NIBAN2: variants seen among roughly 807,000 people sequenced by gnomAD.
NIBAN2 encodes protein Niban 2.
A neutral mutation model predicts 81.8 loss-of-function variants in NIBAN2; 36 were observed. The observed-to-expected ratio is 0.44, with a 90% CI of 0.34 to 0.58. The LOEUF is 0.58. Among genes scored for constraint, NIBAN2 ranks in the 20% least tolerant of loss-of-function variants. NIBAN2 has a pLI of 0.02. For synonymous variants in NIBAN2, 445 were observed against 441.6 expected, an observed-to-expected ratio of 1.01 and a Z score of -0.10; for missense variants, 897 against 1,014.1, an observed-to-expected ratio of 0.88 and a Z score of 1.57.
chr9:127,521,373 G>A lies in NIBAN2; in HGVS notation c.589+2306C>T, dbSNP rs118189328. 3.7e-3 allele frequency among the ~76,000 whole-genome samples: 563 copies of A among 152,264 alleles called. 6 individuals are homozygous for A. The East Asian group carries it at 0.043, about 12-fold the overall frequency. ...ATTCCTCACTCCCAGGCAGCAGACA[G>A]AGGGGGACCACGGTCAGACAGGAAG... On this transcript the variant is annotated intron_variant, in intron 5 of 13. Coordinates refer to ENST00000373312, the MANE Select transcript of NIBAN2 (RefSeq NM_022833.4).
chr9:127,520,498 A>G (rs1253349164), intron 5 of NIBAN2, among the ~76,000 whole-genome samples: 1 of 152,072 alleles, frequency 6.6e-6, no homozygotes, highest in African/African-American at 2.4e-5. Context: ...TCAGCCTCCC[A>G]AAGCACTGGG....
upstream of NIBAN2, among the ~76,000 whole-genome samples, chr9:127,572,899 T>G (rs1338332911): frequency 2.6e-5 from 4 of 151,972 alleles, no homozygotes; most frequent in African/African-American, 7.2e-5. Flanking sequence ...TTTAAAAAAA[T>G]TAGCTGGGCC....
rs576435438 is a variant in NIBAN2 at position 127,563,526 on chromosome 9, A to ATT, written c.55+5292_55+5293dup. 0.047 allele frequency among the ~76,000 whole-genome samples: 6,819 copies of ATT among 146,450 alleles called. 177 individuals carry two copies. The highest frequency in any genetic ancestry group is 0.063 in the Non-Finnish European group (4,168 of 66,318). On this transcript the variant is annotated intron_variant, in intron 1 of 13. Transcript: ENST00000373312. This position sits in a 1 kb window ranked among gnomAD's most constrained non-coding sequence, Gnocchi z 4.1. ...CCACTTCCCAAATGTTGAGAGGTAGATTTTTTTTTTTTTTGAGACAGAGTC... is the reference window on the plus strand; with the variant it reads ...CCACTTCCCAAATGTTGAGAGGTAGATTTTTTTTTTTTTTTTGAGACAGAGTC...
chr9:127,567,624 G>A lies in NIBAN2; in HGVS notation c.55+1196C>T, dbSNP rs1443394061. On this transcript the variant is annotated intron_variant, in intron 1 of 13. Transcript: ENST00000373312. ...AAGGACACCTGGCCACTGCTCTCAG[G>A]GCTTCCTGCTCTCAAGGGAGCGTGG... Among the ~76,000 whole-genome samples the A allele has an allele frequency of 2.0e-5, 3 of 152,304 alleles. No homozygotes were observed. The East Asian group carries it at 5.8e-4, about 29-fold the overall frequency.
At chr9:127,538,392 G>A (rs1837317471) in intron 1 of NIBAN2, among the ~76,000 whole-genome samples, 1 of 152,144 alleles carries the variant, frequency 6.6e-6, no homozygotes, top group Non-Finnish European at 1.5e-5. Flanking sequence ...TGACAGATAA[G>A]AAAAGTGAGA....
intron 1 of NIBAN2, among the ~76,000 whole-genome samples, chr9:127,535,339 C>G (rs1174316133): frequency 4.6e-5 from 7 of 152,254 alleles, no homozygotes; most frequent in African/African-American, 1.4e-4. Flanking sequence ...CAGGGAGGAG[C>G]TGGGTTCAGA....
chr9:127,536,970 C>G lies in NIBAN2; in HGVS notation c.56-5192G>C, dbSNP rs1837291722. On this transcript the variant is annotated intron_variant, in intron 1 of 13. Coordinates refer to ENST00000373312, the MANE Select transcript of NIBAN2 (RefSeq NM_022833.4). The surrounding 1 kb of genome is among the most constrained non-coding windows in gnomAD (Gnocchi z 4.0). ...AGAAATCACTCGCTTCTGTGAGCTACAGAGAGGCTGGGGTGGGGTGGTGTG... is the reference window on the plus strand; with the variant it reads ...AGAAATCACTCGCTTCTGTGAGCTAGAGAGAGGCTGGGGTGGGGTGGTGTG... 6.6e-6 allele frequency among the ~76,000 whole-genome samples: 1 copy of G among 152,220 alleles called. No individual in the cohort carries two copies. Among genetic ancestry groups the G allele is most frequent in the South Asian group, 2.1e-4 (1 of 4,838 alleles).
At chr9:127,515,376 G>C (rs1252389764) in intron 8 of NIBAN2, among the ~76,000 whole-genome samples, 2 of 151,860 alleles carry the variant, frequency 1.3e-5, no homozygotes, top group African/African-American at 4.8e-5. Flanking sequence ...AAAAAATTAG[G>C]TAGGCATGGT....
chr9:127,542,558 C>T (rs1282837558), intron 1 of NIBAN2, among the ~76,000 whole-genome samples: 3 of 152,242 alleles, frequency 2.0e-5, no homozygotes, highest in Admixed American at 6.5e-5. Flanking sequence ...ACCACGGAAA[C>T]GGAGGCTGAC....
At position 127,507,851 on chromosome 9, in the gene NIBAN2, C is replaced by T. The variant is rs544434951; in HGVS notation, c.1654+16G>A. 1.9e-6 allele frequency: 3 copies of T among 1,612,060 alleles called. No individual in the cohort carries two copies. The highest frequency in any genetic ancestry group is 1.3e-5 in the African/African-American group (1 of 75,010). ...CATCCTCCTGGCAACAGTCCCCACC[C>T]CGGGACGGCACCCACCCTGCAGGAT... On this transcript the variant is annotated intron_variant, in intron 13 of 13. Transcript: ENST00000373312. The surrounding 1 kb of genome is among the most constrained non-coding windows in gnomAD (Gnocchi z 6.8).
intron 8 of NIBAN2, among the ~76,000 whole-genome samples, chr9:127,514,270 C>CAA (rs34295842): frequency 0.029 from 3,461 of 117,772 alleles, 152 homozygotes; most frequent in African/African-American, 0.1. Context: ...ACTCTGTGTC[C>CAA]AAAAAAAAAA....
At chr9:127,535,616 G>A (rs1837261841) in intron 1 of NIBAN2, among the ~76,000 whole-genome samples, 2 of 152,150 alleles carry the variant, frequency 1.3e-5, no homozygotes, top group African/African-American at 4.8e-5. Context: ...GGGCTGAGGG[G>A]ACCCAGGCAA....
chr9:127,569,065 G>C lies in NIBAN2; in HGVS notation c.-191C>G. 2 of 1,066,002 alleles carry C rather than the reference G, an allele frequency of 1.9e-6. No homozygotes were observed. The highest frequency in any genetic ancestry group is 4.5e-5 in the South Asian group (1 of 22,278). 66.0% of individuals were successfully genotyped at this position (1,066,002 alleles called of 1,614,324 possible). ...CCGGTCGGGCCCCGTCCCTCCAGCC[G>C]GCCGCCTTGGCCCCCTCCCTGCCCT... On this transcript the variant is annotated 5_prime_UTR_variant, in exon 1 of 14. Coordinates refer to ENST00000373312, the MANE Select transcript of NIBAN2 (RefSeq NM_022833.4).
chr9:127,569,274 GC>G (rs947559641), upstream of NIBAN2, among the ~76,000 whole-genome samples: 555 of 144,042 alleles, frequency 3.9e-3, 4 homozygotes, highest in Non-Finnish European at 6.0e-3. Flanking sequence ...CGTATGCCCC[GC>G]CCCCTCCGCT....
At chr9:127,575,526 C>CTTTT (rs60340873) in intron 1 of NIBAN2, among the ~76,000 whole-genome samples, 1,300 of 122,282 alleles carry the variant, frequency 0.011, 27 homozygotes, top group East Asian at 0.061. Flanking sequence ...GTGCTGGGCC[C>CTTTT]TTTTTTTTTT....
chr9:127,539,122 G>T (rs1015814174), intron 1 of NIBAN2, among the ~76,000 whole-genome samples: 1 of 151,928 alleles, frequency 6.6e-6, no homozygotes, highest in Non-Finnish European at 1.5e-5. Flanking sequence ...ATACAATAAA[G>T]ATCTAATTTG....
Position 127,517,076 on chromosome 9 carries a change from G to T in NIBAN2, c.810+36C>A. The T allele has an allele frequency of 6.2e-7, 1 of 1,610,748 alleles. No homozygotes were observed. ...GCTGAGGGCACCGCACCAGCTGCAG[G>T]TCCCGTCCCCGCTCCAGGGCCCCAG... On this transcript the variant is annotated intron_variant, in intron 7 of 13. Coordinates refer to ENST00000373312, the MANE Select transcript of NIBAN2 (RefSeq NM_022833.4). The surrounding 1 kb of genome is among the most constrained non-coding windows in gnomAD (Gnocchi z 4.0).
chr9:127,567,780 G>C (rs1256318050), intron 1 of NIBAN2, among the ~76,000 whole-genome samples: 3 of 152,182 alleles, frequency 2.0e-5, no homozygotes, highest in Non-Finnish European at 4.4e-5. Context: ...TCCTATGCCA[G>C]GCTCTGTGCT....
Position 127,559,856 on chromosome 9 carries a change from A to G in NIBAN2, c.55+8964T>C, listed in dbSNP as rs1335751075. The stretch of plus-strand genomic sequence containing the variant: ...TTGGCCAATGTCCTATGTGAACCAC[A>G]TAGAACGGTAACAGTGGATGAACCA... On this transcript the variant is annotated intron_variant, in intron 1 of 13. Coordinates refer to ENST00000373312, the MANE Select transcript of NIBAN2 (RefSeq NM_022833.4). The surrounding 1 kb of genome is among the most constrained non-coding windows in gnomAD (Gnocchi z 4.0). Among the ~76,000 whole-genome samples the G allele has an allele frequency of 6.6e-6, 1 of 152,182 alleles. No homozygotes were observed. The highest frequency in any genetic ancestry group is 2.4e-5 in the African/African-American group (1 of 41,444).
Sources: gnomAD v4.1 joint callset for allele counts (sites outside exome capture counted in the v4.1 genomes callset) on GRCh38, gnomAD v4.1.1 for gene constraint, Gnocchi (gnomAD v3.1) non-coding constraint, MANE v1.5 for transcripts, NCBI Gene and HGNC (gene_info 2026-07-23, HGNC 2026-07-21) for gene names.